Variants in GRAMD2B observed in about 807,000 individuals in gnomAD.
GRAMD2B encodes the protein GRAM domain-containing protein 2B.
In GRAMD2B, 41 loss-of-function variants were observed where a neutral mutation model predicts 59.2. The ratio of observed to expected loss-of-function variants is 0.69; its 90% CI spans 0.54 to 0.90. GRAMD2B has a LOEUF of 0.90. Ranked by LOEUF, GRAMD2B falls within the 40% of genes least tolerant of loss-of-function variation. The probability of loss-of-function intolerance (pLI) is 0.00; values close to 1 mark genes in which losing one functional copy is unlikely to be tolerated. For synonymous variants in GRAMD2B, 161 were observed against 182.7 expected (o/e 0.88, Z 0.96); for missense variants, 424 against 500.5 (o/e 0.85, Z 1.46).
At chr5:126,457,940 C>T (rs1766633543) in intron 1 of GRAMD2B, among the ~76,000 whole-genome samples, 1 of 152,120 alleles carries the variant, frequency 6.6e-6, no homozygotes, top group African/African-American at 2.4e-5. Context: ...ATGGGTGCTA[C>T]CTTCTTTCTC....
intron 9 of GRAMD2B, 64 bp downstream of exon 9, chr5:126,483,638 C>A: frequency 1.3e-6 from 1 of 770,102 alleles, no homozygotes. Context: ...CACCCCACCC[C>A]CTTAAAAAAA....
intron 5 of GRAMD2B, among the ~76,000 whole-genome samples, chr5:126,474,500 A>G (rs1770202268): frequency 6.6e-6 from 1 of 152,216 alleles, no homozygotes; most frequent in African/African-American, 2.4e-5. Flanking sequence ...TATAATACAA[A>G]GCAATATGAA....
rs778297232 is a variant in GRAMD2B at position 126,465,509 on chromosome 5, C to T, written c.167C>T (p.Ala56Val). Residue 56 changes from alanine to valine, a missense_variant, in exon 2 of 14, where the codon GCG (alanine) becomes GTG (valine). Coordinates refer to ENST00000285689, the MANE Select transcript of GRAMD2B (RefSeq NM_023927.4). ...CAATCCCCTACCCCATCTGTGGAGG[C>T]GGACTCCCCAGACCAGAAGAAAATC... is the stretch of plus-strand genomic sequence containing the variant. The part of the protein sequence containing the change: ...TAQSPTPSVE[A>V]DSPDQKKIIS... 3.2e-5 allele frequency: 52 copies of T among 1,613,980 alleles called. No individual in the cohort carries two copies. Among genetic ancestry groups the T allele is most frequent in the Admixed American group, 1.2e-4 (7 of 60,000 alleles).
Position 126,469,811 on chromosome 5 carries a change from A to G in GRAMD2B, c.315+23A>G, listed in dbSNP as rs749527685. 17 of 1,549,062 alleles carry G rather than the reference A, an allele frequency of 1.1e-5. No homozygotes were observed. The African/African-American group carries it at 2.2e-4, about 20-fold the overall frequency. On this transcript the variant is annotated intron_variant, in intron 3 of 13. Transcript: ENST00000285689. The stretch of plus-strand genomic sequence containing the variant: ...CAGGTAATTTGAGAATGGAATTTGT[A>G]TTGTCTTAGAGGGTGACAGGGCTAC...
At chr5:126,476,179 AGGAGAATCACTTGAACCT>A (rs1210254206) in intron 5 of GRAMD2B, among the ~76,000 whole-genome samples, 14 of 152,220 alleles carry the variant, frequency 9.2e-5, no homozygotes, top group Non-Finnish European at 2.1e-4. Context: ...AGGCTGAGGC[AGGAGAATCACTTGAACCT>A]GGGAGAAGGA....
At chr5:126,428,414 GT>G (rs1315422296) in intron 1 of GRAMD2B, among the ~76,000 whole-genome samples, 3 of 152,004 alleles carry the variant, frequency 2.0e-5, no homozygotes, top group Admixed American at 6.6e-5. Flanking sequence ...CAATAGAGGA[GT>G]TTTTAAAAAT....
intron 1 of GRAMD2B, among the ~76,000 whole-genome samples, chr5:126,391,896 T>C (rs780463916): frequency 4.3e-4 from 65 of 152,330 alleles, no homozygotes; most frequent in Non-Finnish European, 7.5e-4. Flanking sequence ...GTGAATTTTG[T>C]AGTATAGTGA....
chr5:126,484,385 C>T lies in GRAMD2B; in HGVS notation c.848-17C>T, dbSNP rs201947752. Reference sequence around the variant, plus strand: ...CATTGGAGAGAACACTTACCCAGCTCTGTTTTGGCTTAGTAGATTTCCATG... The same window carrying T: ...CATTGGAGAGAACACTTACCCAGCTTTGTTTTGGCTTAGTAGATTTCCATG... On this transcript the variant is annotated splice_polypyrimidine_tract_variant and intron_variant, in intron 9 of 13. Transcript: ENST00000285689. 9 of 1,610,516 alleles carry T rather than the reference C, an allele frequency of 5.6e-6. No homozygotes were observed. The highest frequency in any genetic ancestry group is 7.6e-6 in the Non-Finnish European group (9 of 1,178,966).
chr5:126,386,230 T>C (rs1207798290), intron 1 of GRAMD2B, among the ~76,000 whole-genome samples: 1 of 152,218 alleles, frequency 6.6e-6, no homozygotes, highest in Non-Finnish European at 1.5e-5. Flanking sequence ...TAGCTGGACA[T>C]CACGGATCAC....
intron 1 of GRAMD2B, among the ~76,000 whole-genome samples, chr5:126,426,079 A>G (rs1238606157): frequency 6.6e-6 from 1 of 152,192 alleles, no homozygotes; most frequent in African/African-American, 2.4e-5. Flanking sequence ...GCCACATTGT[A>G]TACATATACC....
At chr5:126,419,200 A>T (rs1193205030), upstream of GRAMD2B, among the ~76,000 whole-genome samples, 1 of 152,146 alleles carries the variant, frequency 6.6e-6, no homozygotes, top group South Asian at 2.1e-4. Flanking sequence ...TTAATCAGCC[A>T]TGGTTCTGTG....
At chr5:126,446,269 C>T (rs1376603068) in intron 1 of GRAMD2B, among the ~76,000 whole-genome samples, 3 of 152,082 alleles carry the variant, frequency 2.0e-5, no homozygotes, top group African/African-American at 7.2e-5. Flanking sequence ...TGGGATTTGT[C>T]TCAAAACCAG....
intron 1 of GRAMD2B, among the ~76,000 whole-genome samples, chr5:126,381,728 G>A (rs1175715276): frequency 6.6e-6 from 1 of 151,932 alleles, no homozygotes; most frequent in African/African-American, 2.4e-5. Context: ...TCTATTCATT[G>A]TGCTATTTGT....
intron 1 of GRAMD2B, among the ~76,000 whole-genome samples, chr5:126,361,356 A>T (rs1754207719): frequency 6.6e-6 from 1 of 152,144 alleles, no homozygotes; most frequent in Non-Finnish European, 1.5e-5. Context: ...TAGGATCTCT[A>T]GTTTCCTTTC....
At chr5:126,394,537 C>G (rs569873885) in intron 1 of GRAMD2B, among the ~76,000 whole-genome samples, 2 of 152,262 alleles carry the variant, frequency 1.3e-5, no homozygotes, top group African/African-American at 2.4e-5. Flanking sequence ...GTGTTAAAGT[C>G]TTTGATTGAT....
chr5:126,405,915 GA>G (rs1197250498), intron 1 of GRAMD2B, among the ~76,000 whole-genome samples: 1 of 151,790 alleles, frequency 6.6e-6, no homozygotes, highest in African/African-American at 2.4e-5. Flanking sequence ...TAAAGCCAAA[GA>G]AAAGTGTAGT....
chr5:126,371,504 C>T, exon 1 of GRAMD2B: 1 of 1,289,268 alleles, frequency 7.8e-7, no homozygotes, highest in Non-Finnish European at 1.0e-6. Flanking sequence ...CCGGGCAGCC[C>T]AAGGAAGGCC....
At chr5:126,476,030 C>T (rs1770522947) in intron 5 of GRAMD2B, among the ~76,000 whole-genome samples, 1 of 152,188 alleles carries the variant, frequency 6.6e-6, no homozygotes, top group Non-Finnish European at 1.5e-5. Flanking sequence ...ATCACTTGAA[C>T]CCAGTGGGTG....
At chr5:126,366,947 C>T (rs563445536), upstream of GRAMD2B, among the ~76,000 whole-genome samples, 99 of 150,874 alleles carry the variant, frequency 6.6e-4, no homozygotes, top group African/African-American at 2.4e-3. Flanking sequence ...CTCCGCCTTC[C>T]GGATCCAAGC....
Sources: gnomAD v4.1 joint callset for allele counts (sites outside exome capture counted in the v4.1 genomes callset) on GRCh38, gnomAD v4.1.1 for gene constraint, MANE v1.5 for transcripts, NCBI Gene and HGNC (gene_info 2026-07-23, HGNC 2026-07-21) for gene names.